The following ABCC4 variants were observed in gnomAD, a reference collection of about 807,000 sequenced individuals.
The protein encoded by ABCC4 is ATP binding cassette subfamily C member 4 (PEL blood group), also known as ATP-binding cassette sub-family C member 4.
ABCC4 carries 102 observed loss-of-function variants against 168.5 expected under a neutral mutation model. The observed-to-expected ratio is 0.61, with a 90% CI of 0.52 to 0.71. The LOEUF is 0.71. Ranked by LOEUF, ABCC4 falls within the 30% of genes least tolerant of loss-of-function variation. ABCC4 has a pLI of 0.00. For synonymous variants in ABCC4, 617 were observed against 590.7 expected, an observed-to-expected ratio of 1.04 and a Z score of -0.65; for missense variants, 1,402 against 1,605.8, an observed-to-expected ratio of 0.87 and a Z score of 2.17.
chr13:95,116,204 G>A (rs2035374329), intron 19 of ABCC4, among the ~76,000 whole-genome samples: 1 of 152,104 alleles, frequency 6.6e-6, no homozygotes, highest in Admixed American at 6.5e-5. Flanking sequence ...AATGGCAGCG[G>A]GCAGGGAGTT....
intron 19 of ABCC4, among the ~76,000 whole-genome samples, chr13:95,159,916 C>A (rs534399608): frequency 1.3e-5 from 2 of 152,204 alleles, no homozygotes; most frequent in African/African-American, 4.8e-5. Context: ...TTCACAGATA[C>A]ATGGCTTCAT....
At chr13:95,083,423 CAAAGG>C in intron 20 of ABCC4, 133 bp from the exon 21 acceptor site, 1 of 1,055,380 alleles carries the variant, frequency 9.5e-7, no homozygotes, top group Non-Finnish European at 1.3e-6. Flanking sequence ...CTTTTCCATA[CAAAGG>C]AATAACAAAA....
intron 1 of ABCC4, among the ~76,000 whole-genome samples, chr13:95,270,295 A>C (rs532808829): frequency 1.3e-5 from 2 of 151,762 alleles, no homozygotes; most frequent in East Asian, 3.9e-4. Flanking sequence ...TCATCTTTTA[A>C]TACAGTGATT....
At chr13:95,240,854 C>T (rs1433381288) in intron 3 of ABCC4, among the ~76,000 whole-genome samples, 2 of 151,666 alleles carry the variant, frequency 1.3e-5, no homozygotes, top group Non-Finnish European at 2.9e-5. Context: ...GCTTGCAATC[C>T]CAGCTATTCG....
intron 19 of ABCC4, among the ~76,000 whole-genome samples, chr13:95,158,037 A>G (rs2036936068): frequency 6.7e-6 from 1 of 148,634 alleles, no homozygotes; most frequent in Non-Finnish European, 1.5e-5. Flanking sequence ...ACGCCACTGC[A>G]CTCCAGCCTG....
intron 26 of ABCC4, among the ~76,000 whole-genome samples, chr13:95,057,189 T>C (rs12854072): frequency 0.098 from 14,849 of 152,260 alleles, 977 homozygotes; most frequent in Admixed American, 0.17. Context: ...CTTTCACTGT[T>C]CGCTTCTTCC....
intron 1 of ABCC4, among the ~76,000 whole-genome samples, chr13:95,251,194 T>G (rs926464834): frequency 6.6e-6 from 1 of 152,154 alleles, no homozygotes; most frequent in Non-Finnish European, 1.5e-5. Context: ...ATGTTCCCCA[T>G]AGCCACAAGT....
intron 8 of ABCC4, among the ~76,000 whole-genome samples, chr13:95,201,195 T>C (rs761307710): frequency 2.8e-4 from 42 of 152,220 alleles, no homozygotes; most frequent in Non-Finnish European, 4.7e-4. Context: ...TCCCAGCCGG[T>C]CATTTTATTT....
intron 20 of ABCC4, among the ~76,000 whole-genome samples, chr13:95,102,779 C>T (rs1402824698): frequency 1.3e-5 from 2 of 151,246 alleles, no homozygotes; most frequent in Non-Finnish European, 1.5e-5. Flanking sequence ...CGCCACCACG[C>T]CCAGCTAATT....
At chr13:95,191,941 C>T (rs1488641491) in intron 9 of ABCC4, among the ~76,000 whole-genome samples, 1 of 152,238 alleles carries the variant, frequency 6.6e-6, no homozygotes, top group Admixed American at 6.5e-5. Flanking sequence ...CAGAAGGGGG[C>T]AGCACTCGAC....
intron 21 of ABCC4, 118 bp downstream of exon 21, chr13:95,083,022 C>T: frequency 8.6e-7 from 1 of 1,163,048 alleles, no homozygotes; most frequent in South Asian, 1.5e-5. Flanking sequence ...GTTCAATTAC[C>T]TAATGTTAGA....
chr13:95,281,303 A>ATC (rs1362750291), intron 1 of ABCC4, among the ~76,000 whole-genome samples: 1 of 146,542 alleles, frequency 6.8e-6, no homozygotes, highest in African/African-American at 2.5e-5. Flanking sequence ...CTCTCTCAAA[A>ATC]AAAAAAAAAA....
At chr13:95,275,601 A>C (rs2040952378) in intron 1 of ABCC4, among the ~76,000 whole-genome samples, 1 of 112,794 alleles carries the variant, frequency 8.9e-6, no homozygotes, top group Non-Finnish European at 2.1e-5. Context: ...AATGTTTAGG[A>C]CTCTTGGCGG....
intron 19 of ABCC4, among the ~76,000 whole-genome samples, chr13:95,149,483 AT>A (rs1251559678): frequency 6.6e-6 from 1 of 152,216 alleles, no homozygotes; most frequent in East Asian, 1.9e-4. Context: ...GAATACATTT[AT>A]AGTTCCCCCA....
intron 26 of ABCC4, among the ~76,000 whole-genome samples, chr13:95,056,551 A>G (rs2033062156): frequency 6.6e-6 from 1 of 152,198 alleles, no homozygotes. Context: ...GTGCAGAAAC[A>G]AAGGACTGAC....
chr13:95,214,136 C>A (rs1594312430), intron 4 of ABCC4, among the ~76,000 whole-genome samples: 1 of 152,176 alleles, frequency 6.6e-6, no homozygotes, highest in Middle Eastern at 3.4e-3. Context: ...AAAGGTAATA[C>A]CTGAAATGAA....
intron 20 of ABCC4, among the ~76,000 whole-genome samples, chr13:95,099,066 A>C (rs921068451): frequency 1.3e-5 from 2 of 152,236 alleles, no homozygotes; most frequent in African/African-American, 4.8e-5. Flanking sequence ...GTGTACCCAT[A>C]AACACTTCTA....
intron 19 of ABCC4, among the ~76,000 whole-genome samples, chr13:95,125,159 CTG>C: frequency 6.6e-6 from 1 of 152,288 alleles, no homozygotes; most frequent in Admixed American, 6.5e-5. Flanking sequence ...GGCATCCAGG[CTG>C]TGACTCATAC....
At chr13:95,099,328 G>C (rs2034716899) in intron 20 of ABCC4, among the ~76,000 whole-genome samples, 1 of 152,176 alleles carries the variant, frequency 6.6e-6, no homozygotes, top group South Asian at 2.1e-4. Context: ...AAATCTGGAA[G>C]AGGTGTAGAG....
Sources: gnomAD v4.1 joint callset for allele counts (sites outside exome capture counted in the v4.1 genomes callset) on GRCh38, gnomAD v4.1.1 for gene constraint, MANE v1.5 for transcripts, NCBI Gene and HGNC (gene_info 2026-07-23, HGNC 2026-07-21) for gene names.